The following CFDP1 variants were observed in gnomAD, a reference collection of about 807,000 sequenced individuals.
The protein encoded by CFDP1 is chromatin remodeling protein CFDP1, also known as heterochromatin-stabilizing protein CFDP1.
CFDP1 carries 31 observed loss-of-function variants against 40.1 expected under a neutral mutation model. That is an observed-to-expected ratio of 0.77 (90% confidence interval 0.58 to 1.04). The LOEUF is 1.04. CFDP1 is among the 50% of genes least tolerant of loss of function. CFDP1 has a pLI of 0.00. For synonymous variants in CFDP1, 167 were observed against 120.0 expected (o/e 1.39, Z -2.56); for missense variants, 423 against 343.4 (o/e 1.23, Z -1.83).
At chr16:75,347,601 C>T (rs1420337855) in intron 5 of CFDP1, among the ~76,000 whole-genome samples, 1 of 152,034 alleles carries the variant, frequency 6.6e-6, no homozygotes, top group Admixed American at 6.6e-5. Flanking sequence ...ATGGTGTGAA[C>T]CCGGGAGGCG....
At chr16:75,315,554 G>T (rs981860237) in intron 5 of CFDP1, among the ~76,000 whole-genome samples, 3 of 151,958 alleles carry the variant, frequency 2.0e-5, no homozygotes, top group African/African-American at 7.3e-5. Context: ...ATGGTCTGGT[G>T]CAAAAATCCC....
intron 5 of CFDP1, among the ~76,000 whole-genome samples, chr16:75,331,610 G>T (rs2078446369): frequency 1.3e-5 from 2 of 152,096 alleles, no homozygotes; most frequent in South Asian, 4.1e-4. Context: ...ACCTTGTTTT[G>T]AACTTTATGT....
intron 1 of CFDP1, among the ~76,000 whole-genome samples, chr16:75,416,873 G>C (rs895668576): frequency 6.6e-6 from 1 of 152,134 alleles, no homozygotes; most frequent in African/African-American, 2.4e-5. Context: ...ATGGAATTCT[G>C]TTTGACATCC....
intron 5 of CFDP1, among the ~76,000 whole-genome samples, chr16:75,369,877 G>A (rs1242347265): frequency 6.6e-6 from 1 of 151,108 alleles, no homozygotes; most frequent in East Asian, 2.0e-4. Flanking sequence ...TCATGCCACA[G>A]CCTCCCCAGT....
At chr16:75,362,667 T>C (rs1364380115) in intron 5 of CFDP1, among the ~76,000 whole-genome samples, 11 of 152,156 alleles carry the variant, frequency 7.2e-5, no homozygotes, top group Non-Finnish European at 7.3e-5. Flanking sequence ...TCAGGTGTTA[T>C]AAAAGCAAGC....
At chr16:75,366,135 C>T (rs576254135) in intron 5 of CFDP1, among the ~76,000 whole-genome samples, 2 of 152,324 alleles carry the variant, frequency 1.3e-5, no homozygotes, top group African/African-American at 2.4e-5. Flanking sequence ...AACACAATGT[C>T]CATCAACTGA....
At chr16:75,338,020 TA>T (rs2078501476) in intron 5 of CFDP1, among the ~76,000 whole-genome samples, 1 of 152,214 alleles carries the variant, frequency 6.6e-6, no homozygotes, top group African/African-American at 2.4e-5. Context: ...CTCAGCCACT[TA>T]TTCACACGGC....
chr16:75,330,830 A>C (rs913645317), intron 5 of CFDP1, among the ~76,000 whole-genome samples: 2 of 152,154 alleles, frequency 1.3e-5, no homozygotes, highest in Non-Finnish European at 2.9e-5. Context: ...CTTTCATTTT[A>C]CTAATTATCA....
intron 1 of CFDP1, among the ~76,000 whole-genome samples, chr16:75,421,968 A>G (rs775544056): frequency 3.3e-5 from 5 of 152,266 alleles, no homozygotes; most frequent in Non-Finnish European, 5.9e-5. Context: ...GATTACTTAC[A>G]ACACCCAATA....
chr16:75,425,048 C>G (rs2079321690), intron 1 of CFDP1, among the ~76,000 whole-genome samples: 1 of 150,964 alleles, frequency 6.6e-6, no homozygotes, highest in South Asian at 2.1e-4. Context: ...ATACTAGTTA[C>G]AAACAATTAG....
intron 5 of CFDP1, among the ~76,000 whole-genome samples, chr16:75,360,605 T>G (rs1240964082): frequency 2.0e-5 from 3 of 152,192 alleles, no homozygotes; most frequent in Non-Finnish European, 1.5e-5. Flanking sequence ...TAACAATAAC[T>G]TTCCTGTGGC....
At chr16:75,393,341 C>T (rs1356509570) in intron 5 of CFDP1, among the ~76,000 whole-genome samples, 1 of 152,144 alleles carries the variant, frequency 6.6e-6, no homozygotes, top group Non-Finnish European at 1.5e-5. Context: ...TGCACTTAAA[C>T]CTTTATCTCA....
At chr16:75,315,331 CAAAAAAAA>C (rs758174791) in intron 5 of CFDP1, among the ~76,000 whole-genome samples, 6 of 47,796 alleles carry the variant, frequency 1.3e-4, no homozygotes, top group Non-Finnish European at 2.0e-4. Context: ...GACCCTATCT[CAAAAAAAA>C]AAAAAAAAAA....
chr16:75,350,801 T>C (rs2078605393), intron 5 of CFDP1, among the ~76,000 whole-genome samples: 1 of 152,112 alleles, frequency 6.6e-6, no homozygotes, highest in Admixed American at 6.5e-5. Context: ...GAGAAAATTG[T>C]ATATGGTCTA....
chr16:75,367,733 C>T (rs1027981798), intron 5 of CFDP1, among the ~76,000 whole-genome samples: 2 of 149,776 alleles, frequency 1.3e-5, no homozygotes, highest in Admixed American at 1.3e-4. Context: ...GCAGAGGTTG[C>T]CGTGAGCCAA....
intron 5 of CFDP1, among the ~76,000 whole-genome samples, chr16:75,357,745 T>C (rs1480369690): frequency 6.6e-6 from 1 of 152,244 alleles, no homozygotes; most frequent in African/African-American, 2.4e-5. Context: ...TGTCTTCAGA[T>C]CAGCAATAAA....
intron 4 of CFDP1, among the ~76,000 whole-genome samples, chr16:75,398,691 C>T (rs938816233): frequency 1.3e-5 from 2 of 152,176 alleles, no homozygotes; most frequent in East Asian, 1.9e-4. Context: ...CAGAAACAGA[C>T]GTCTGAGAAG....
At chr16:75,390,922 C>A (rs1234341098) in intron 5 of CFDP1, among the ~76,000 whole-genome samples, 2 of 152,216 alleles carry the variant, frequency 1.3e-5, no homozygotes, top group African/African-American at 4.8e-5. Context: ...TGGTTTTCCA[C>A]CACTTTGTGA....
chr16:75,295,750 C>T (rs1252766520), intron 6 of CFDP1, among the ~76,000 whole-genome samples: 2 of 152,342 alleles, frequency 1.3e-5, no homozygotes, highest in Admixed American at 6.5e-5. Context: ...AATAAAATTA[C>T]AGGCTGCCTG....
Sources: allele counts gnomAD v4.1 joint callset (sites outside exome capture counted in the v4.1 genomes callset), GRCh38; gene constraint gnomAD v4.1.1; transcripts MANE v1.5; gene names NCBI Gene and HGNC (gene_info 2026-07-23, HGNC 2026-07-21).